MBD3L1: variants seen among roughly 807,000 people sequenced by gnomAD.
MBD3L1 encodes the protein methyl-CpG-binding domain protein 3-like 1.
For synonymous variants in MBD3L1, 84 were observed against 85.1 expected (o/e 0.99, Z 0.07); for missense variants, 203 against 230.1 (o/e 0.88, Z 0.76).
intron 1 of MBD3L1, among the ~76,000 whole-genome samples, chr19:8,836,054 AATAAG>A (rs577549720): frequency 4.6e-4 from 70 of 152,336 alleles, no homozygotes; most frequent in Middle Eastern, 3.4e-3. Flanking sequence ...TTTAGATGAA[AATAAG>A]ATTAGATAGT....
chr19:8,838,281 A>AAAAAAAAAAAAAAAAAAAAC (rs2044476153), intron 1 of MBD3L1, among the ~76,000 whole-genome samples: 1 of 148,500 alleles, frequency 6.7e-6, no homozygotes. Flanking sequence ...AAAAAAAAAA[A>AAAAAAAAAAAAAAAAAAAAC]AAGATCAGCA....
intron 1 of MBD3L1, among the ~76,000 whole-genome samples, chr19:8,839,857 C>A (rs919800424): frequency 6.6e-6 from 1 of 151,786 alleles, no homozygotes; most frequent in Non-Finnish European, 1.5e-5. Flanking sequence ...CTCGGAGAAA[C>A]TTGAACATGT....
chr19:8,838,202 C>G (rs918881626), intron 1 of MBD3L1, among the ~76,000 whole-genome samples: 1 of 136,446 alleles, frequency 7.3e-6, no homozygotes, highest in Admixed American at 8.2e-5. Context: ...GAGCCGAGAT[C>G]GCATCACTGC....
intron 1 of MBD3L1, among the ~76,000 whole-genome samples, chr19:8,838,901 T>G (rs767088016): frequency 2.2e-4 from 34 of 152,140 alleles, no homozygotes; most frequent in Non-Finnish European, 3.4e-4. Context: ...TGGGACTATG[T>G]GCAGACCGAG....
At chr19:8,835,340 C>G (rs2044444253) in intron 1 of MBD3L1, among the ~76,000 whole-genome samples, 1 of 152,198 alleles carries the variant, frequency 6.6e-6, no homozygotes, top group African/African-American at 2.4e-5. Context: ...GTGTGAGCCA[C>G]TGCACCCAGC....
At chr19:8,834,486 T>C (rs377429321) in intron 1 of MBD3L1, among the ~76,000 whole-genome samples, 1 of 151,876 alleles carries the variant, frequency 6.6e-6, no homozygotes, top group African/African-American at 2.4e-5. Flanking sequence ...CGGGCGCCTA[T>C]AGTCCCAGCT....
chr19:8,839,390 T>C (rs993419109), intron 1 of MBD3L1, among the ~76,000 whole-genome samples: 4 of 151,780 alleles, frequency 2.6e-5, no homozygotes, highest in Admixed American at 6.6e-5. Context: ...TTAGTAGAGA[T>C]GGGGTTTCAC....
chr19:8,841,328 C>T (rs182382122), intron 2 of MBD3L1, among the ~76,000 whole-genome samples: 154 of 151,766 alleles, frequency 1.0e-3, no homozygotes, highest in African/African-American at 3.6e-3. Context: ...CCACCGTGCC[C>T]GGCCTCTAAG....
At chr19:8,840,686 G>A (rs964431384) in intron 1 of MBD3L1, among the ~76,000 whole-genome samples, 3 of 152,138 alleles carry the variant, frequency 2.0e-5, no homozygotes, top group Non-Finnish European at 4.4e-5. Context: ...GGCAACTAAC[G>A]TCTTTGGGAA....
intron 1 of MBD3L1, among the ~76,000 whole-genome samples, chr19:8,834,700 T>C (rs2044435896): frequency 6.7e-6 from 1 of 149,632 alleles, no homozygotes; most frequent in South Asian, 2.1e-4. Flanking sequence ...GGACCTCTAC[T>C]TCACACCATG....
intron 1 of MBD3L1, among the ~76,000 whole-genome samples, chr19:8,836,473 C>T (rs1477985471): frequency 2.0e-5 from 3 of 149,704 alleles, no homozygotes; most frequent in South Asian, 2.1e-4. Context: ...CTCCCCCCCT[C>T]TCCTCCTCCT....
Position 8,843,015 on chromosome 19 carries a change from C to G in MBD3L1, c.337C>G (p.Leu113Val), listed in dbSNP as rs762470161. Residue 113 changes from leucine (L) to valine (V), a missense_variant, in exon 3 of 3, where the codon CTG (leucine) becomes GTG (valine). Transcript: ENST00000595891. ...TCTGCTGGAGGATCTTGCCAGTGGT[C>G]TGGAGCACTCCTGCCCCATGCCCCA... Reference protein sequence around the residue: ...GSLLEDLASGLEHSCPMPHLA... With the variant: ...GSLLEDLASGVEHSCPMPHLA... 17 of 1,614,074 alleles carry G rather than the reference C, an allele frequency of 1.1e-5. No homozygotes were observed. The highest frequency in any genetic ancestry group is 1.4e-5 in the Non-Finnish European group (16 of 1,180,024).
At chr19:8,836,378 A>C (rs190003914) in intron 1 of MBD3L1, among the ~76,000 whole-genome samples, 407 of 130,884 alleles carry the variant, frequency 3.1e-3, no homozygotes, top group Non-Finnish European at 4.6e-3. Flanking sequence ...CTTCTTCCTT[A>C]CTCCTCCCCT....
intron 1 of MBD3L1, among the ~76,000 whole-genome samples, chr19:8,838,194 G>GCCGAGATCGCATCACTGCA (rs1282399760): frequency 1.5e-5 from 2 of 134,896 alleles, no homozygotes; most frequent in Non-Finnish European, 3.0e-5. Flanking sequence ...GTTGCAGTGA[G>GCCGAGATCGCATCACTGCA]CCGAGATCGC....
chr19:8,836,158 G>A (rs2044453028), intron 1 of MBD3L1, among the ~76,000 whole-genome samples: 1 of 152,018 alleles, frequency 6.6e-6, no homozygotes, highest in Admixed American at 6.5e-5. Flanking sequence ...TGAATATTAT[G>A]GTAGCTCAAT....
intron 2 of MBD3L1, among the ~76,000 whole-genome samples, chr19:8,842,277 T>C (rs1479421819): frequency 7.1e-6 from 1 of 140,968 alleles, no homozygotes; most frequent in Non-Finnish European, 1.5e-5. Flanking sequence ...CAGTGAGCTG[T>C]GATTGCACCA....
At chr19:8,835,419 A>AT (rs901555677) in intron 1 of MBD3L1, among the ~76,000 whole-genome samples, 6 of 152,214 alleles carry the variant, frequency 3.9e-5, no homozygotes, top group Non-Finnish European at 8.8e-5. Context: ...AAATATATAC[A>AT]TGAAAAGATG....
chr19:8,840,158 T>C (rs2044497316), intron 1 of MBD3L1, among the ~76,000 whole-genome samples: 1 of 142,566 alleles, frequency 7.0e-6, no homozygotes, highest in Non-Finnish European at 1.5e-5. Flanking sequence ...TACTCCAGTC[T>C]GGGCTATAGA....
At chr19:8,836,855 T>A (rs1381634437) in intron 1 of MBD3L1, among the ~76,000 whole-genome samples, 1 of 152,170 alleles carries the variant, frequency 6.6e-6, no homozygotes. Context: ...TGGGGATAAA[T>A]AATTGTAAAA....
Sources: allele counts gnomAD v4.1 joint callset (sites outside exome capture counted in the v4.1 genomes callset), GRCh38; gene constraint gnomAD v4.1.1; transcripts MANE v1.5; gene names NCBI Gene and HGNC (gene_info 2026-07-23, HGNC 2026-07-21).